Variants in EYA1 observed in about 807,000 individuals in gnomAD.
EYA1 encodes the protein protein phosphatase EYA1.
A neutral mutation model predicts 82.0 loss-of-function variants in EYA1; 16 were observed. That is an observed-to-expected ratio of 0.20 (90% CI 0.13 to 0.30). EYA1 has a LOEUF of 0.30. Among genes scored for constraint, EYA1 ranks in the 10% least tolerant of loss-of-function variants. EYA1 has a pLI of 1.00. For synonymous variants in EYA1, 261 were observed against 264.4 expected (o/e 0.99, Z 0.12); for missense variants, 633 against 730.7 (o/e 0.87, Z 1.54).
intron 7 of EYA1, among the ~76,000 whole-genome samples, chr8:71,315,497 C>A (rs1473188419): frequency 6.6e-6 from 1 of 152,158 alleles, no homozygotes; most frequent in Non-Finnish European, 1.5e-5. Flanking sequence ...CCCTGCTAGA[C>A]CCTGGGACCC....
intron 1 of EYA1, among the ~76,000 whole-genome samples, chr8:71,540,160 A>G (rs1400769619): frequency 1.3e-5 from 2 of 152,216 alleles, no homozygotes; most frequent in East Asian, 1.9e-4. Context: ...CATTCCTGCC[A>G]TAATTTAAAC....
chr8:71,442,619 A>G (rs1806508341), intron 2 of EYA1, among the ~76,000 whole-genome samples: 1 of 152,220 alleles, frequency 6.6e-6, no homozygotes, highest in African/African-American at 2.4e-5. Flanking sequence ...CAGATTCTCA[A>G]TTTATGTTCT....
chr8:71,498,026 G>A (rs1390384077), intron 2 of EYA1, among the ~76,000 whole-genome samples: 1 of 152,052 alleles, frequency 6.6e-6, no homozygotes, highest in Non-Finnish European at 1.5e-5. Flanking sequence ...AGAGTAGAAT[G>A]GTACAGGGAC....
chr8:71,528,971 G>C (rs1404883857), intron 2 of EYA1, among the ~76,000 whole-genome samples: 1 of 152,148 alleles, frequency 6.6e-6, no homozygotes, highest in African/African-American at 2.4e-5. Context: ...GCTAGTGGCT[G>C]TATATACTGC....
intron 2 of EYA1, among the ~76,000 whole-genome samples, chr8:71,408,408 A>G (rs928492786): frequency 7.8e-6 from 1 of 128,440 alleles, no homozygotes; most frequent in Non-Finnish European, 1.7e-5. Context: ...AAATTCTCCA[A>G]TTAAAAGACA....
intron 2 of EYA1, among the ~76,000 whole-genome samples, chr8:71,368,213 T>C (rs1827866104): frequency 6.7e-6 from 1 of 149,666 alleles, no homozygotes; most frequent in African/African-American, 2.5e-5. Flanking sequence ...CCCTGGTTGA[T>C]AGAGAGTTAC....
intron 2 of EYA1, among the ~76,000 whole-genome samples, chr8:71,467,192 A>T (rs1015318874): frequency 6.6e-6 from 1 of 152,076 alleles, no homozygotes; most frequent in Non-Finnish European, 1.5e-5. Flanking sequence ...ATTTTAAAAA[A>T]TAGATAGAAT....
rs572316169 is a variant in EYA1 at position 71,487,417 on chromosome 8, C to T, written c.33+48327G>A. On this transcript the variant is annotated intron_variant, in intron 2 of 18. Transcript: ENST00000643681. ...GATCTGAGACTTTTCCTGAAACTAT[C>T]ATACAATCACAGCCTTATTCTCCAC... Among the ~76,000 whole-genome samples the T allele has an allele frequency of 3.3e-5, 5 of 152,254 alleles. No individual in the cohort carries two copies. The South Asian group carries it at 1.0e-3, about 32-fold the overall frequency.
At chr8:71,243,798 A>C (rs1410392357) in intron 12 of EYA1, among the ~76,000 whole-genome samples, 1 of 152,230 alleles carries the variant, frequency 6.6e-6, no homozygotes, top group Non-Finnish European at 1.5e-5. Context: ...TTCTATTTGA[A>C]TCTTTCAGAT....
intron 1 of EYA1, among the ~76,000 whole-genome samples, chr8:71,361,336 C>G (rs1827355793): frequency 6.6e-6 from 1 of 152,194 alleles, no homozygotes. Flanking sequence ...AGTCATCTCC[C>G]TGCAAGAATA....
chr8:71,521,867 T>C (rs1024395076), intron 2 of EYA1, among the ~76,000 whole-genome samples: 1 of 152,134 alleles, frequency 6.6e-6, no homozygotes, highest in Non-Finnish European at 1.5e-5. Flanking sequence ...GATTTTTAAC[T>C]ATCAATCTGA....
At chr8:71,209,743 T>C (rs1035784617) in intron 17 of EYA1, among the ~76,000 whole-genome samples, 1 of 152,178 alleles carries the variant, frequency 6.6e-6, no homozygotes, top group African/African-American at 2.4e-5. Flanking sequence ...TGGATTCCTA[T>C]GAGGGAGTGT....
chr8:71,355,321 G>A (rs952248334), intron 2 of EYA1, among the ~76,000 whole-genome samples: 1 of 152,164 alleles, frequency 6.6e-6, no homozygotes. Context: ...AATGGAAATA[G>A]ATCACTCTTC....
At chr8:71,434,019 C>A (rs147490451) in intron 2 of EYA1, among the ~76,000 whole-genome samples, 2 of 152,150 alleles carry the variant, frequency 1.3e-5, no homozygotes, top group African/African-American at 4.8e-5. Flanking sequence ...ATGGCCAATT[C>A]ATGATGTGTT....
chr8:71,339,387 T>A (rs1418361076), intron 3 of EYA1, among the ~76,000 whole-genome samples: 7 of 152,190 alleles, frequency 4.6e-5, no homozygotes, highest in African/African-American at 1.7e-4. Flanking sequence ...ACAGGTGCCA[T>A]ACATGCTGGC....
At chr8:71,263,875 G>C (rs1406977228) in intron 11 of EYA1, among the ~76,000 whole-genome samples, 1 of 152,144 alleles carries the variant, frequency 6.6e-6, no homozygotes, top group African/African-American at 2.4e-5. Context: ...CCTCGGTCTA[G>C]AGTTTTTAAA....
intron 4 of EYA1, among the ~76,000 whole-genome samples, chr8:71,327,267 G>T (rs751074646): frequency 3.9e-5 from 6 of 152,138 alleles, no homozygotes; most frequent in African/African-American, 1.4e-4. Flanking sequence ...TTGAATGAAC[G>T]AATCAGACCT....
intron 11 of EYA1, among the ~76,000 whole-genome samples, chr8:71,254,812 T>C (rs1814196292): frequency 6.6e-6 from 1 of 152,078 alleles, no homozygotes; most frequent in Admixed American, 6.6e-5. Flanking sequence ...TAATTTTGTG[T>C]GTAGAAAGCC....
At chr8:71,302,810 A>G (rs1034832965) in intron 7 of EYA1, among the ~76,000 whole-genome samples, 1 of 141,930 alleles carries the variant, frequency 7.0e-6, no homozygotes, top group Non-Finnish European at 1.6e-5. Flanking sequence ...GGTACTGTCC[A>G]GCCCATTCTC....
Sources: gnomAD v4.1 joint callset for allele counts (sites outside exome capture counted in the v4.1 genomes callset) on GRCh38, gnomAD v4.1.1 for gene constraint, MANE v1.5 for transcripts, NCBI Gene and HGNC (gene_info 2026-07-23, HGNC 2026-07-21) for gene names.